Variants in MDGA2 observed in about 807,000 individuals in gnomAD.
MDGA2 encodes the protein MAM domain containing glycosylphosphatidylinositol anchor 2, also known as MAM domain-containing glycosylphosphatidylinositol anchor protein 2.
A neutral mutation model predicts 117.8 loss-of-function variants in MDGA2; 40 were observed. The ratio of observed to expected loss-of-function variants is 0.34; its 90% CI spans 0.26 to 0.44. The LOEUF is 0.44. MDGA2 is among the 20% of genes least tolerant of loss of function. The pLI is 1.00. For missense variants in MDGA2, 1,123 were observed against 1,250.6 expected, an observed-to-expected ratio of 0.90 and a Z score of 1.54; for synonymous variants, 452 against 439.0, an observed-to-expected ratio of 1.03 and a Z score of -0.37.
intron 1 of MDGA2, among the ~76,000 whole-genome samples, chr14:47,476,125 G>A (rs1452823615): frequency 6.6e-6 from 1 of 152,042 alleles, no homozygotes; most frequent in African/African-American, 2.4e-5. Context: ...CTGAGTATTA[G>A]GCAAAGATCC....
intron 8 of MDGA2, among the ~76,000 whole-genome samples, chr14:47,005,402 G>T (rs188897411): frequency 5.8e-4 from 88 of 151,556 alleles, no homozygotes; most frequent in Admixed American, 9.2e-4. Context: ...TTAACATGAT[G>T]AATTATATTG....
intron 1 of MDGA2, among the ~76,000 whole-genome samples, chr14:47,596,303 A>C (rs764793217): frequency 9.2e-5 from 14 of 152,212 alleles, no homozygotes; most frequent in Non-Finnish European, 1.8e-4. Context: ...CATGAGAATT[A>C]ACTAACTTTA....
chr14:46,988,122 C>T, intron 8 of MDGA2, among the ~76,000 whole-genome samples: 1 of 151,686 alleles, frequency 6.6e-6, no homozygotes, highest in East Asian at 1.9e-4. Context: ...CTAGCAGTGC[C>T]ATATATGAAT....
At chr14:47,059,214 G>T in intron 7 of MDGA2, 1 of 908,898 alleles carries the variant, frequency 1.1e-6, no homozygotes, top group Admixed American at 2.5e-5. Flanking sequence ...GCCATGTATT[G>T]TTTCGGCTAT....
At chr14:47,001,829 A>C (rs1337090206) in intron 8 of MDGA2, among the ~76,000 whole-genome samples, 1 of 152,078 alleles carries the variant, frequency 6.6e-6, no homozygotes, top group African/African-American at 2.4e-5. Flanking sequence ...GCCTGGGAGA[A>C]GTATTGGTAG....
chr14:47,518,379 C>T (rs553643425), intron 1 of MDGA2, among the ~76,000 whole-genome samples: 6 of 151,918 alleles, frequency 3.9e-5, no homozygotes, highest in African/African-American at 9.7e-5. Flanking sequence ...AAAAAACACA[C>T]GTTAATGTTA....
At chr14:47,627,170 G>C (rs924955585) in intron 1 of MDGA2, among the ~76,000 whole-genome samples, 2 of 152,112 alleles carry the variant, frequency 1.3e-5, no homozygotes, top group African/African-American at 2.4e-5. Context: ...TCTAGCTCAA[G>C]GTTTGTAAAC....
chr14:47,306,842 G>GGAGAGAGAGA (rs10629208), intron 1 of MDGA2, among the ~76,000 whole-genome samples: 15,324 of 146,462 alleles, frequency 0.1, 830 homozygotes, highest in Non-Finnish European at 0.14. Flanking sequence ...AGAGAAAGAG[G>GGAGAGAGAGA]GAGAGAGAGA....
chr14:46,930,609 C>A (rs1357212221), intron 9 of MDGA2, among the ~76,000 whole-genome samples: 1 of 152,032 alleles, frequency 6.6e-6, no homozygotes, highest in African/African-American at 2.4e-5. Flanking sequence ...CTATTTATCA[C>A]GTGTACTTGA....
At chr14:47,227,289 C>T (rs901633124) in intron 2 of MDGA2, among the ~76,000 whole-genome samples, 3 of 152,068 alleles carry the variant, frequency 2.0e-5, no homozygotes, top group African/African-American at 7.2e-5. Flanking sequence ...TGACTCTTAG[C>T]CGATGAATGA....
At chr14:47,138,946 C>T (rs554698005) in intron 4 of MDGA2, among the ~76,000 whole-genome samples, 49 of 152,026 alleles carry the variant, frequency 3.2e-4, no homozygotes, top group Non-Finnish European at 6.3e-4. Context: ...TTTCTGGAAA[C>T]ATTGTCTATA....
chr14:47,349,603 T>C, intron 1 of MDGA2, among the ~76,000 whole-genome samples: 1 of 152,242 alleles, frequency 6.6e-6, no homozygotes, highest in East Asian at 1.9e-4. Context: ...TAGGAGTATG[T>C]TGGCATTTTT....
intron 3 of MDGA2, among the ~76,000 whole-genome samples, chr14:47,184,745 T>G (rs560748422): frequency 5.3e-5 from 8 of 151,944 alleles, no homozygotes; most frequent in African/African-American, 1.4e-4. Context: ...TATTAAAAAT[T>G]TTTAATTATA....
intron 3 of MDGA2, among the ~76,000 whole-genome samples, chr14:47,163,556 C>T (rs1302142643): frequency 6.6e-6 from 1 of 152,130 alleles, no homozygotes; most frequent in Non-Finnish European, 1.5e-5. Flanking sequence ...ACATGCTCCT[C>T]CTTGCCTTCT....
intron 1 of MDGA2, among the ~76,000 whole-genome samples, chr14:47,457,556 A>C (rs776187344): frequency 4.6e-5 from 7 of 152,196 alleles, no homozygotes; most frequent in Non-Finnish European, 5.9e-5. Flanking sequence ...ACTGTCTCCA[A>C]AGAAGACATT....
At chr14:47,323,768 C>T (rs1049829698) in intron 1 of MDGA2, among the ~76,000 whole-genome samples, 6 of 152,094 alleles carry the variant, frequency 3.9e-5, no homozygotes, top group African/African-American at 1.4e-4. Context: ...AACTTTGAAA[C>T]TGGAAGCTGG....
intron 8 of MDGA2, among the ~76,000 whole-genome samples, chr14:47,009,157 T>G (rs1184587061): frequency 6.6e-6 from 1 of 152,002 alleles, no homozygotes; most frequent in Non-Finnish European, 1.5e-5. Flanking sequence ...GTCCTATAGT[T>G]TAGTTCACAT....
At position 47,540,871 on chromosome 14, in the gene MDGA2, T is replaced by C. The variant is rs539380370; in HGVS notation, c.280+133646A>G. Among the ~76,000 whole-genome samples, 12 of 152,212 alleles carry C rather than the reference T, an allele frequency of 7.9e-5. No homozygotes were observed. In the East Asian group the frequency reaches 1.7e-3, roughly 22 times the overall value. On this transcript the variant is annotated intron_variant, in intron 1 of 16. Coordinates refer to ENST00000399232, the MANE Select transcript of MDGA2 (RefSeq NM_001113498.3). ...TGAACTACTACACCCAACCACACTATATATTTTATTTGATTGGTAATTATC... is the reference window on the plus strand; with the variant it reads ...TGAACTACTACACCCAACCACACTACATATTTTATTTGATTGGTAATTATC...
chr14:47,523,827 T>G (rs1020979870), intron 1 of MDGA2, among the ~76,000 whole-genome samples: 8 of 152,308 alleles, frequency 5.3e-5, no homozygotes, highest in African/African-American at 1.9e-4. Flanking sequence ...TTGCCTTAGT[T>G]TGTCACTGAA....
Sources: allele counts gnomAD v4.1 joint callset (sites outside exome capture counted in the v4.1 genomes callset), GRCh38; gene constraint gnomAD v4.1.1; transcripts MANE v1.5; gene names NCBI Gene and HGNC (gene_info 2026-07-23, HGNC 2026-07-21).